LANCL3: variants seen among roughly 807,000 people sequenced by gnomAD.
LANCL3 encodes LanC like family member 3.
A neutral mutation model predicts 26.5 loss-of-function variants in LANCL3; 19 were observed. The observed-to-expected ratio is 0.72, with a 90% CI of 0.50 to 1.05. The LOEUF (loss-of-function observed/expected upper bound fraction) is 1.05, where lower values mean the gene tolerates loss of function less well. Ranked by LOEUF, LANCL3 falls within the 50% of genes least tolerant of loss-of-function variation. LANCL3 has a pLI of 0.00. For synonymous variants in LANCL3, 160 were observed against 166.6 expected (o/e 0.96, Z 0.30); for missense variants, 318 against 362.7 (o/e 0.88, Z 1.00).
Position 37,679,987 on chromosome X carries a change from T to C in LANCL3, c.*4174T>C, listed in dbSNP as rs1168265448. On this transcript the variant is annotated 3_prime_UTR_variant, in exon 5 of 5. Coordinates refer to ENST00000378619, the MANE Select transcript of LANCL3 (RefSeq NM_001170331.2). ...TTAAATATTATAGTTCATTGTGATA[T>C]GTTTTTCCTGTATCTGCTCTATCAT... 8.9e-6 allele frequency: 1 copy of C among 111,782 alleles called. No homozygotes were observed. The highest frequency in any genetic ancestry group is 1.9e-5 in the Non-Finnish European group (1 of 53,200). 9.2% of individuals were successfully genotyped at this position (111,782 alleles called of 1,213,427 possible).
chrX:37,582,048 T>TG (rs1338567126), intron 1 of LANCL3, among the ~76,000 whole-genome samples: 1 of 111,382 alleles, frequency 9.0e-6, no homozygotes, highest in African/African-American at 3.3e-5. Flanking sequence ...TTTCTGTCCT[T>TG]GCGATAGTTT....
chrX:37,670,254 G>T (rs1254044045), intron 4 of LANCL3, among the ~76,000 whole-genome samples: 1 of 111,278 alleles, frequency 9.0e-6, no homozygotes, highest in Non-Finnish European at 1.9e-5. Flanking sequence ...GTAACTCTTT[G>T]TCAATGTATG....
At chrX:37,671,510 G>C (rs781872891) in intron 4 of LANCL3, among the ~76,000 whole-genome samples, 23 of 111,134 alleles carry the variant, frequency 2.1e-4, no homozygotes, top group African/African-American at 6.9e-4. Flanking sequence ...ACGAATGAAA[G>C]GTCCTACATG....
intron 1 of LANCL3, among the ~76,000 whole-genome samples, chrX:37,652,785 G>A (rs1372952084): frequency 8.1e-5 from 9 of 111,639 alleles, no homozygotes; most frequent in Non-Finnish European, 5.6e-5. Context: ...GTGTGCTCAT[G>A]CTTGTGCTCC....
chrX:37,657,522 T>A (rs1429480948), intron 2 of LANCL3, among the ~76,000 whole-genome samples: 1 of 103,968 alleles, frequency 9.6e-6, no homozygotes, highest in African/African-American at 3.7e-5. Flanking sequence ...TCAGTATGCC[T>A]GGTCAAATTT....
At position 37,571,722 on chromosome X, in the gene LANCL3, CTT is replaced by C. The variant is rs1923576038; in HGVS notation, c.-148_-147del. On this transcript the variant is annotated 5_prime_UTR_variant, in exon 1 of 5. Coordinates refer to ENST00000378619, the MANE Select transcript of LANCL3 (RefSeq NM_001170331.2). Reference sequence around the variant, plus strand: ...GCCATCCGCTCCTTGCCCGCCTCCTCTTGTCACCTCCCGTCTCATCCTTCTCG... The same window carrying C: ...GCCATCCGCTCCTTGCCCGCCTCCTCGTCACCTCCCGTCTCATCCTTCTCG... 4 of 458,374 alleles carry C rather than the reference CTT, an allele frequency of 8.7e-6. No homozygotes were observed. The South Asian group carries it at 1.6e-4, about 19-fold the overall frequency. The allele number at this position is 458,374 out of a possible 1,213,427, so 37.8% of individuals were successfully genotyped here.
intron 1 of LANCL3, among the ~76,000 whole-genome samples, chrX:37,632,707 T>G (rs1439527388): frequency 3.6e-5 from 4 of 110,826 alleles, no homozygotes; most frequent in Non-Finnish European, 5.7e-5. Flanking sequence ...TCTCCTTCAC[T>G]TATGAAGCTT....
chrX:37,600,070 A>G (rs1924539647), intron 1 of LANCL3, among the ~76,000 whole-genome samples: 1 of 112,036 alleles, frequency 8.9e-6, no homozygotes, highest in Non-Finnish European at 1.9e-5. Flanking sequence ...ATCTTAAAGA[A>G]TAAAGTAGCC....
In LANCL3 at chrX:37,677,274, T is replaced by G. The variant is rs1556437661; in HGVS notation, c.*1461T>G. The G allele has an allele frequency of 9.1e-6, 1 of 110,298 alleles. No homozygotes were observed. Among genetic ancestry groups the G allele is most frequent in the Non-Finnish European group, 1.9e-5 (1 of 52,799 alleles). The allele number at this position is 110,298 out of a possible 1,213,427, so 9.1% of individuals were successfully genotyped here. ...CTTTGGAACGAGTTAGGGAATGCTC[T>G]GTTGCCTAAAAAGCAAACCTACAAG... On this transcript the variant is annotated 3_prime_UTR_variant, in exon 5 of 5. Coordinates refer to ENST00000378619, the MANE Select transcript of LANCL3 (RefSeq NM_001170331.2).
rs782623017 is a variant in LANCL3 at position 37,655,697 on chromosome X, C to T, written c.583C>T (p.Pro195Ser). The change falls in exon 2 of 5, where the codon CCA becomes TCA. Residue 195 changes from proline (P) to serine (S), a missense_variant. Transcript: ENST00000378619. ...GGATTTCCTTATTCAGGTGCTGACT[C>T]CAGCACAGATCAAGTCAATTTGTCA... ...KQKLAQEVLT[P>S]AQIKSICQAI... 7 of 1,205,549 alleles carry T rather than the reference C, an allele frequency of 5.8e-6. No homozygotes were observed. The highest frequency in any genetic ancestry group is 7.8e-6 in the Non-Finnish European group (7 of 891,806).
intron 1 of LANCL3, among the ~76,000 whole-genome samples, chrX:37,585,631 T>G (rs781835153): frequency 6.9e-4 from 77 of 111,865 alleles, no homozygotes; most frequent in Middle Eastern, 4.6e-3. Context: ...CTGCCTTTTT[T>G]TGTTTTCCAT....
intron 1 of LANCL3, among the ~76,000 whole-genome samples, chrX:37,639,494 G>T (rs1272796563): frequency 9.1e-6 from 1 of 109,530 alleles, no homozygotes; most frequent in Non-Finnish European, 1.9e-5. Flanking sequence ...TATTTAAAAA[G>T]TGGTAAATGG....
At chrX:37,632,878 C>T (rs1556424785) in intron 1 of LANCL3, among the ~76,000 whole-genome samples, 1 of 110,019 alleles carries the variant, frequency 9.1e-6, no homozygotes, top group Non-Finnish European at 1.9e-5. Flanking sequence ...TCTCTGGCTG[C>T]CCTTAACATT....
At chrX:37,660,711 A>C (rs1926398124) in intron 3 of LANCL3, among the ~76,000 whole-genome samples, 1 of 111,470 alleles carries the variant, frequency 9.0e-6, no homozygotes, top group Non-Finnish European at 1.9e-5. Flanking sequence ...TTTTTACCTG[A>C]GTTTCATTAC....
chrX:37,618,654 A>G (rs1925073424), intron 1 of LANCL3, among the ~76,000 whole-genome samples: 1 of 110,903 alleles, frequency 9.0e-6, no homozygotes, highest in South Asian at 3.9e-4. Flanking sequence ...TCTTCATATG[A>G]CGTATTCCCT....
At position 37,681,647 on chromosome X, in the gene LANCL3, G is replaced by T. The variant is rs922952867; in HGVS notation, c.*5834G>T. 1.8e-5 allele frequency: 2 copies of T among 111,921 alleles called. No homozygotes were observed. Among genetic ancestry groups the T allele is most frequent in the African/African-American group, 3.2e-5 (1 of 30,794 alleles). The allele number at this position is 111,921 out of a possible 1,213,427, so 9.2% of individuals were successfully genotyped here. A position where few individuals can be genotyped will look rare whatever the true frequency, so the allele number is the denominator to read the frequency against. Reference sequence around the variant, plus strand: ...TTACATGGTACATTAACATATTAAAGATTGAGTAAACTCTCCTGGGTAAAA... The same window carrying T: ...TTACATGGTACATTAACATATTAAATATTGAGTAAACTCTCCTGGGTAAAA... On this transcript the variant is annotated 3_prime_UTR_variant, in exon 5 of 5. Transcript: ENST00000378619.
At chrX:37,633,237 C>T (rs868990242) in intron 1 of LANCL3, among the ~76,000 whole-genome samples, 8 of 110,607 alleles carry the variant, frequency 7.2e-5, no homozygotes, top group African/African-American at 2.6e-4. Flanking sequence ...CCCTTTCTTC[C>T]AGTTGATCGC....
chrX:37,671,681 A>G (rs782456755), intron 4 of LANCL3, among the ~76,000 whole-genome samples: 2 of 111,582 alleles, frequency 1.8e-5, no homozygotes, highest in South Asian at 3.8e-4. Context: ...CTCACTTTCT[A>G]CGTATATCTC....
chrX:37,615,885 C>T (rs1244771926), intron 1 of LANCL3, among the ~76,000 whole-genome samples: 4 of 111,750 alleles, frequency 3.6e-5, no homozygotes, highest in Non-Finnish European at 7.5e-5. Context: ...ATAGCGATCC[C>T]AGTAGATATA....
Sources: allele counts gnomAD v4.1 joint callset (sites outside exome capture counted in the v4.1 genomes callset), GRCh38; gene constraint gnomAD v4.1.1; transcripts MANE v1.5; gene names NCBI Gene and HGNC (gene_info 2026-07-23, HGNC 2026-07-21).